PACS2: variants seen among roughly 807,000 people sequenced by gnomAD.
PACS2 encodes PACS1-like protein.
Under a neutral mutation model 113.0 loss-of-function variants are expected in PACS2, and 36 were observed. The observed-to-expected ratio is 0.32, with a 90% CI of 0.24 to 0.42. The LOEUF (loss-of-function observed/expected upper bound fraction) is 0.42, where lower values mean the gene tolerates loss of function less well. Among genes scored for constraint, PACS2 ranks in the 10% least tolerant of loss-of-function variants. The pLI is 1.00. For synonymous variants in PACS2, 589 were observed against 536.1 expected (o/e 1.10, Z -1.36); for missense variants, 1,015 against 1,239.5 (o/e 0.82, Z 2.72).
intron 9 of PACS2, among the ~76,000 whole-genome samples, chr14:105,379,093 T>C (rs1232558120): frequency 6.7e-6 from 1 of 149,850 alleles, no homozygotes; most frequent in African/African-American, 2.5e-5. Context: ...GCCTGAGTGG[T>C]CTGGAAAGGC....
At chr14:105,311,240 C>T (rs1294568430), upstream of PACS2, among the ~76,000 whole-genome samples, 1 of 152,094 alleles carries the variant, frequency 6.6e-6, no homozygotes, top group Non-Finnish European at 1.5e-5. Flanking sequence ...AGGCATGAGC[C>T]ACTGTGCCCG....
At chr14:105,333,104 G>A (rs973426692) in intron 1 of PACS2, among the ~76,000 whole-genome samples, 36 of 152,052 alleles carry the variant, frequency 2.4e-4, no homozygotes, top group Non-Finnish European at 4.6e-4. Flanking sequence ...GTGAGAGAGA[G>A]AGACGCATAC....
rs187345223 is a variant in PACS2, at chr14:105,354,883, C to T, written c.298-169C>T. ...TGGGTAAAGGATGGGCTCTGGGGAC[C>T]GGCATGCCACTGGGATGAACTTGGG... On this transcript the variant is annotated intron_variant, in intron 3 of 24. Transcript: ENST00000447393. The surrounding 1 kb of genome is among the most constrained non-coding windows in gnomAD (Gnocchi z 4.2). 6.6e-6 allele frequency among the ~76,000 whole-genome samples: 1 copy of T among 152,312 alleles called. No individual in the cohort carries two copies. Among genetic ancestry groups the T allele is most frequent in the Admixed American group, 6.5e-5 (1 of 15,290 alleles).
At chr14:105,367,491 G>A (rs1028978885) in intron 5 of PACS2, 116 bp downstream of exon 5, 15 of 1,003,678 alleles carry the variant, frequency 1.5e-5, no homozygotes, top group African/African-American at 1.6e-5. Context: ...GGGGTCCGGA[G>A]CACGTGTCAG....
At chr14:105,382,374 G>A (rs2081024307) in intron 13 of PACS2, 103 bp from the exon 14 acceptor site, 1 of 772,874 alleles carries the variant, frequency 1.3e-6, no homozygotes, top group East Asian at 2.4e-5. Context: ...CCGAGCCTCT[G>A]TGGCTGCAGG....
chr14:105,323,482 C>T lies in PACS2; in HGVS notation c.119+8445C>T, dbSNP rs1272985736. ...ACGGCGGGACCCTGTCTGCCTTGCT[C>T]GGTGCTGCCCAGAGCCTGCACAGTG... On this transcript the variant is annotated intron_variant, in intron 1 of 24. Transcript: ENST00000447393. This position sits in a 1 kb window ranked among gnomAD's most constrained non-coding sequence, Gnocchi z 4.1. Among the ~76,000 whole-genome samples the T allele has an allele frequency of 3.3e-5, 5 of 152,250 alleles. No individual in the cohort carries two copies. Among genetic ancestry groups the T allele is most frequent in the Non-Finnish European group, 2.9e-5 (2 of 68,044 alleles).
chr14:105,351,752 G>A (rs1279698247), intron 2 of PACS2, among the ~76,000 whole-genome samples: 1 of 152,204 alleles, frequency 6.6e-6, no homozygotes, highest in Non-Finnish European at 1.5e-5. Context: ...GGCTGAGGCT[G>A]GAGGATTGCC....
rs2141334888 is a variant in PACS2 at position 105,395,277 on chromosome 14, C to G, written c.*605C>G. On this transcript the variant is annotated 3_prime_UTR_variant, in exon 25 of 25. Transcript: ENST00000447393. ...CAAACATGTTGCTCTTCTGAAGTCC[C>G]CCTGGGGCTGGGCAGAGCCAGCAGA... is the stretch of plus-strand genomic sequence containing the variant. 1 of 152,616 alleles carries G rather than the reference C, an allele frequency of 6.6e-6. No individual in the cohort carries two copies. Among genetic ancestry groups the G allele is most frequent in the African/African-American group, 2.4e-5 (1 of 41,576 alleles). The allele number at this position is 152,616 out of a possible 1,614,324, so 9.5% of individuals were successfully genotyped here.
chr14:105,384,571 G>A (rs2081108646), intron 17 of PACS2, 108 bp downstream of exon 17: 6 of 700,816 alleles, frequency 8.6e-6, no homozygotes, highest in Non-Finnish European at 1.5e-5. Context: ...CTCAGCCTCA[G>A]GGAAGAGGCC....
chr14:105,352,773 CA>C (rs1483118627), intron 3 of PACS2, among the ~76,000 whole-genome samples: 2 of 128,150 alleles, frequency 1.6e-5, no homozygotes, highest in Non-Finnish European at 3.3e-5. Context: ...CCTGGGGAGA[CA>C]GGCCCTCCCC....
intron 19 of PACS2, among the ~76,000 whole-genome samples, chr14:105,386,284 G>A (rs1312658489): frequency 3.9e-5 from 6 of 152,164 alleles, no homozygotes; most frequent in African/African-American, 9.7e-5. Context: ...CTGGTGACAC[G>A]GTGGTCAGCG....
intron 15 of PACS2, 184 bp downstream of exon 15, chr14:105,383,097 GCCTGGTGGGTGT>G (rs1301587302): frequency 1.6e-6 from 1 of 624,088 alleles, no homozygotes; most frequent in African/African-American, 1.8e-5. Flanking sequence ...GGGAGCAGCA[GCCTGGTGGGTGT>G]CCTGCCACAC....
At chr14:105,379,872 G>A (rs1246134767) in intron 10 of PACS2, 43 bp downstream of exon 10, 2 of 1,568,004 alleles carry the variant, frequency 1.3e-6, no homozygotes, top group East Asian at 4.5e-5. Context: ...ACCGTGGTCT[G>A]ACTGGGCTGT....
Position 105,385,697 on chromosome 14 carries a change from T to C in PACS2, c.2013T>C (p.Phe671=), listed in dbSNP as rs2081153639. Residue 671 remains phenylalanine (F), a synonymous_variant, in exon 19 of 25, where the codon TTT becomes TTC. Transcript: ENST00000447393. ...GCTTTCTGAAAAGGAAAAAGCATTTTCATTTTGACTTTACCCTAAGGTACG... is the reference window on the plus strand; with the variant it reads ...GCTTTCTGAAAAGGAAAAAGCATTTCCATTTTGACTTTACCCTAAGGTACG... The part of the protein sequence containing the change: ...LTYKQKRKKH[F]HFDFTLSPDE... The C allele has an allele frequency of 6.6e-7, 1 of 1,520,708 alleles. No homozygotes were observed. Among genetic ancestry groups the C allele is most frequent in the African/African-American group, 1.4e-5 (1 of 72,686 alleles). The allele number at this position is 1,520,708 out of a possible 1,614,324, so 94.2% of individuals were successfully genotyped here.
chr14:105,301,841 A>G (rs2058040752), intron 1 of PACS2, among the ~76,000 whole-genome samples: 1 of 152,216 alleles, frequency 6.6e-6, no homozygotes, highest in African/African-American at 2.4e-5. Context: ...GAATGAGCCT[A>G]AAAAGAAATG....
chr14:105,318,343 T>G (rs9671890), intron 1 of PACS2, among the ~76,000 whole-genome samples: 2,539 of 152,170 alleles, frequency 0.017, 79 homozygotes, highest in African/African-American at 0.059. Context: ...TGCAGTGGCT[T>G]GATCATGGCT....
intron 4 of PACS2, among the ~76,000 whole-genome samples, chr14:105,360,235 C>T (rs1276755490): frequency 6.6e-6 from 1 of 152,138 alleles, no homozygotes; most frequent in Non-Finnish European, 1.5e-5. Context: ...TATATACATA[C>T]ATTAATTTTA....
rs587611505 is a variant in PACS2 at position 105,385,615 on chromosome 14, G to A, written c.2001-70G>A. On this transcript the variant is annotated intron_variant, in intron 18 of 24. Coordinates refer to ENST00000447393, the MANE Select transcript of PACS2 (RefSeq NM_001100913.3). ...GAGATGGGAGCCACTGAGTGCCCTC[G>A]GCGGTCCCTGGAGGGGTCCTGAGGG... 145 of 1,080,844 alleles carry A rather than the reference G, an allele frequency of 1.3e-4. 1 individual carries two copies. Among genetic ancestry groups the A allele is most frequent in the South Asian group, 4.1e-4 (25 of 61,554 alleles). 67.0% of individuals were successfully genotyped at this position (1,080,844 alleles called of 1,614,324 possible).
In PACS2 at chr14:105,330,344, C is replaced by CA. The variant is rs2059259877; in HGVS notation, c.119+15309dup. On this transcript the variant is annotated intron_variant, in intron 1 of 24. Coordinates refer to ENST00000447393, the MANE Select transcript of PACS2 (RefSeq NM_001100913.3). The surrounding 1 kb of genome is among the most constrained non-coding windows in gnomAD (Gnocchi z 6.9). ...GGGAAGGAACGGGGACAGGAGCCTC[C>CA]AAGAAGCCTGGGGTCCGTGTGTCCG... Among the ~76,000 whole-genome samples, 4 of 150,994 alleles carry CA rather than the reference C, an allele frequency of 2.6e-5. No individual in the cohort carries two copies. The highest frequency in any genetic ancestry group is 9.8e-5 in the African/African-American group (4 of 40,622).
Sources: allele counts gnomAD v4.1 joint callset (sites outside exome capture counted in the v4.1 genomes callset), GRCh38; gene constraint gnomAD v4.1.1; non-coding constraint Gnocchi (gnomAD v3.1); transcripts MANE v1.5; gene names NCBI Gene and HGNC (gene_info 2026-07-23, HGNC 2026-07-21).